WDR81: variants seen among roughly 807,000 people sequenced by gnomAD.
The protein encoded by WDR81 is WD repeat-containing protein 81.
WDR81 carries 92 observed loss-of-function variants against 140.8 expected under a neutral mutation model. That is an observed-to-expected ratio of 0.65 (90% CI 0.55 to 0.78). The LOEUF (loss-of-function observed/expected upper bound fraction) is 0.78. WDR81 is among the 30% of genes least tolerant of loss of function. The pLI is 0.00. For missense variants in WDR81, 2,502 were observed against 2,636.4 expected (o/e 0.95, Z 1.12); for synonymous variants, 1,183 against 1,156.4 (o/e 1.02, Z -0.47).
chr17:1,722,080 G>A (rs940263613), upstream of WDR81, among the ~76,000 whole-genome samples: 1 of 151,646 alleles, frequency 6.6e-6, no homozygotes, highest in Non-Finnish European at 1.5e-5. Context: ...CTGAGATCGC[G>A]CCATTGCACT....
upstream of WDR81, chr17:1,724,654 G>A (rs1382169430): frequency 9.7e-7 from 1 of 1,034,582 alleles, no homozygotes; most frequent in Non-Finnish European, 1.2e-6. Flanking sequence ...CCGGGCCTCT[G>A]GAGCCACGTG....
chr17:1,724,893 G>A lies in WDR81; in HGVS notation c.-67G>A. The A allele has an allele frequency of 7.8e-7, 1 of 1,281,012 alleles. No individual in the cohort carries two copies. The highest frequency in any genetic ancestry group is 9.8e-7 in the Non-Finnish European group (1 of 1,016,452). 79.4% of individuals were successfully genotyped at this position (1,281,012 alleles called of 1,614,324 possible). ...CCCAGCCCCGCCGGCCTGGCACCCCGGAAGCCGTCGCCAGCAGGGCCGTGG... is the reference window on the plus strand; with the variant it reads ...CCCAGCCCCGCCGGCCTGGCACCCCAGAAGCCGTCGCCAGCAGGGCCGTGG... On this transcript the variant is annotated 5_prime_UTR_variant, in exon 1 of 10. Coordinates refer to ENST00000409644, the MANE Select transcript of WDR81 (RefSeq NM_001163809.2).
At chr17:1,734,734 G>A (rs558908434) in intron 7 of WDR81, among the ~76,000 whole-genome samples, 6 of 150,968 alleles carry the variant, frequency 4.0e-5, no homozygotes, top group East Asian at 2.0e-4. Flanking sequence ...AGCCGAGATC[G>A]CACCACTGCA....
rs369466219 is a variant in WDR81, at chr17:1,736,223, C to T, written c.5505+5C>T. 1.3e-4 allele frequency: 207 copies of T among 1,592,314 alleles called. No individual in the cohort carries two copies. The highest frequency in any genetic ancestry group is 1.7e-4 in the Middle Eastern group (1 of 5,732). On this transcript the variant is annotated splice_donor_5th_base_variant and intron_variant, in intron 9 of 9. Coordinates refer to ENST00000409644, the MANE Select transcript of WDR81 (RefSeq NM_001163809.2). ...GGGGACATTCTGCAGATCAAGGTGA[C>T]GGGCCGGGTCTCCCTCCCCTTGCTG... is the stretch of plus-strand genomic sequence containing the variant.
Position 1,726,688 on chromosome 17 carries a change from A to C in WDR81, c.1729A>C (p.Ser577Arg). Reference protein sequence around the residue: ...HLVDAHTHLASYGVVQLFDQP... With the variant: ...HLVDAHTHLARYGVVQLFDQP... ...GGTGGACGCCCACACTCACCTGGCC[A>C]GCTACGGGGTGGTGCAGCTCTTCGA... Residue 577 changes from serine (S) to arginine (R), a missense_variant, in exon 1 of 10, where the codon AGC (serine) becomes CGC (arginine). By Grantham distance (110) the Ser-to-Arg change is moderately radical (BLOSUM62 -1). Coordinates refer to ENST00000409644, the MANE Select transcript of WDR81 (RefSeq NM_001163809.2). The C allele has an allele frequency of 6.5e-7, 1 of 1,549,810 alleles. No homozygotes were observed. The highest frequency in any genetic ancestry group is 1.2e-5 in the South Asian group (1 of 84,064).
At position 1,737,909 on chromosome 17, in the gene WDR81, G is replaced by A; in HGVS notation, c.*224G>A. The A allele has an allele frequency of 1.6e-6, 1 of 611,780 alleles. No homozygotes were observed. The highest frequency in any genetic ancestry group is 2.1e-5 in the South Asian group (1 of 48,114). The allele number at this position is 611,780 out of a possible 1,614,324, so 37.9% of individuals were successfully genotyped here. A position where few individuals can be genotyped will look rare whatever the true frequency, so the allele number is the denominator to read the frequency against. On this transcript the variant is annotated 3_prime_UTR_variant, in exon 10 of 10. Coordinates refer to ENST00000409644, the MANE Select transcript of WDR81 (RefSeq NM_001163809.2). ...CAGAGGGGTCTCATTCATGGCTTGG[G>A]GACACAGGGCTCCTAGCAAGCAGGA...
chr17:1,723,346 TG>T (rs1450891243), upstream of WDR81, among the ~76,000 whole-genome samples: 1 of 152,046 alleles, frequency 6.6e-6, no homozygotes, highest in East Asian at 1.9e-4. Context: ...ACCAGGCCTC[TG>T]GGCCTGGGCC....
chr17:1,732,094 G>A (rs547386736), intron 4 of WDR81, among the ~76,000 whole-genome samples: 2 of 152,096 alleles, frequency 1.3e-5, no homozygotes, highest in Admixed American at 6.6e-5. Context: ...AAAATTAGCC[G>A]GGTATGGTGG....
chr17:1,725,346 C>A lies in WDR81; in HGVS notation c.387C>A (p.Ser129=), dbSNP rs751286143. ...LGGGLPFEDG[S]CGPETLTRFM... is the part of the protein sequence containing the mutation. ...GGGGCCTGCCCTTTGAGGACGGGTCCTGCGGCCCTGAGACCCTCACTCGCT... is the reference window on the plus strand; with the variant it reads ...GGGGCCTGCCCTTTGAGGACGGGTCATGCGGCCCTGAGACCCTCACTCGCT... Residue 129 remains serine, a synonymous_variant, in exon 1 of 10, where the codon TCC becomes TCA. Transcript: ENST00000409644. 7.1e-6 allele frequency: 11 copies of A among 1,549,072 alleles called. No individual in the cohort carries two copies. The African/African-American group carries it at 1.5e-4, about 21-fold the overall frequency.
Position 1,734,103 on chromosome 17 carries a change from C to T in WDR81, c.5066C>T (p.Pro1689Leu). ...NYGDGTSETAPRLVYTQHRKS... is the reference protein window; with the variant it reads ...NYGDGTSETALRLVYTQHRKS... ...GGCGACGGGACCAGCGAGACGGCCCCACGCCTCGTCTACACCCAGCACCGC... is the reference window on the plus strand; with the variant it reads ...GGCGACGGGACCAGCGAGACGGCCCTACGCCTCGTCTACACCCAGCACCGC... Residue 1689 changes from proline to leucine, a missense_variant, in exon 7 of 10, where the codon CCA becomes CTA. Pro to Leu is a moderately conservative substitution (Grantham distance 98). Transcript: ENST00000409644. 1 of 1,597,418 alleles carries T rather than the reference C, an allele frequency of 6.3e-7. No homozygotes were observed. Among genetic ancestry groups the T allele is most frequent in the Non-Finnish European group, 8.5e-7 (1 of 1,177,836 alleles).
chr17:1,733,773 C>G lies in WDR81; in HGVS notation c.4736C>G (p.Pro1579Arg). Residue 1579 changes from proline (P) to arginine (R), a missense_variant, in exon 7 of 10, where the codon CCC (proline) becomes CGC (arginine). Pro to Arg is a moderately radical substitution (Grantham distance 103). This residue lies in a region of WDR81 where 1,737 missense variants were observed against 1,843.0 expected (regional missense o/e 0.94). Coordinates refer to ENST00000409644, the MANE Select transcript of WDR81 (RefSeq NM_001163809.2). Reference sequence around the variant, plus strand: ...CCCAATGACTCTCGGCCTGAGAACCCCGGACCACTGGGCCCCATCTCGGGG... The same window carrying G: ...CCCAATGACTCTCGGCCTGAGAACCGCGGACCACTGGGCCCCATCTCGGGG... ...QIPNDSRPEN[P>R]GPLGPISGVG... The G allele has an allele frequency of 1.9e-6, 3 of 1,612,522 alleles. No individual in the cohort carries two copies. The highest frequency in any genetic ancestry group is 2.2e-5 in the East Asian group (1 of 44,876).
rs572270076 is a variant in WDR81, at chr17:1,727,420, G to C, written c.2461G>C (p.Val821Leu). Reference protein sequence around the residue: ...PKEVPVSLQPVLDTLLQMSGP... With the variant: ...PKEVPVSLQPLLDTLLQMSGP... ...GGAGGTCCCTGTGTCTTTGCAGCCC[G>C]TGCTGGACACACTCCTGCAGATGAG... Residue 821 changes from valine to leucine, a missense_variant, in exon 1 of 10, where the codon GTG becomes CTG. Around this residue, in one of 3 missense-constraint regions of WDR81, gnomAD observed 1,737 missense variants for 1,843.0 expected, o/e 0.94. Transcript: ENST00000409644. 4 of 1,550,372 alleles carry C rather than the reference G, an allele frequency of 2.6e-6. No homozygotes were observed. Among genetic ancestry groups the C allele is most frequent in the African/African-American group, 2.7e-5 (2 of 73,188 alleles).
At chr17:1,734,297 G>T in intron 7 of WDR81, 81 bp downstream of exon 7, 6 of 1,428,550 alleles carry the variant, frequency 4.2e-6, no homozygotes, top group South Asian at 1.4e-5. Flanking sequence ...CGAGGGTGGG[G>T]CTGTAATGCT....
In WDR81 at chr17:1,735,497, T is replaced by C. The variant is rs745472253; in HGVS notation, c.5180-75T>C. 3.5e-5 allele frequency: 50 copies of C among 1,422,770 alleles called. No homozygotes were observed. Among genetic ancestry groups the C allele is most frequent in the Non-Finnish European group, 4.6e-5 (49 of 1,067,026 alleles). 88.1% of individuals were successfully genotyped at this position (1,422,770 alleles called of 1,614,324 possible). ...GGACGGGAGGCAGGTGTGCGGTGAG[T>C]TGGGGGATTAGAAGCTCCCAGGGCT... On this transcript the variant is annotated intron_variant, in intron 7 of 9. Coordinates refer to ENST00000409644, the MANE Select transcript of WDR81 (RefSeq NM_001163809.2). This position sits in a 1 kb window ranked among gnomAD's most constrained non-coding sequence, Gnocchi z 4.2.
chr17:1,724,643 C>T (rs913978869), upstream of WDR81: 220 of 1,022,302 alleles, frequency 2.2e-4, no homozygotes, highest in Non-Finnish European at 2.5e-4. Context: ...CGGGGTCCCG[C>T]CCGGGCCTCT....
chr17:1,734,942 T>A (rs2151175836), intron 7 of WDR81, among the ~76,000 whole-genome samples: 1 of 152,064 alleles, frequency 6.6e-6, no homozygotes, highest in Middle Eastern at 3.4e-3. Context: ...TGGCATTGGG[T>A]CAGCAGCACT....
chr17:1,725,431 T>TA lies in WDR81; in HGVS notation c.473dup (p.Tyr158Ter). Reference protein sequence around the residue: ...RNLWRHAYHTYGQPYSHSPAP... With the variant: ...RNLWRHAYHT ...CCTGTGGCGCCATGCATACCACACT[T>TA]ACGGCCAGCCGTACAGTCACAGCCC... The change falls in exon 1 of 10, where the codon TAC (tyrosine) becomes TAAC (stop). Residue 158 changes from tyrosine to a stop codon, truncating the protein, a stop_gained and frameshift_variant. Transcript: ENST00000409644. LOFTEE classifies it high-confidence loss of function. The TA allele has an allele frequency of 6.5e-7, 1 of 1,549,542 alleles. No individual in the cohort carries two copies. The highest frequency in any genetic ancestry group is 8.7e-7 in the Non-Finnish European group (1 of 1,146,976).
Position 1,732,507 on chromosome 17 carries a change from G to A in WDR81, c.4323+17G>A. 1 of 1,609,910 alleles carries A rather than the reference G, an allele frequency of 6.2e-7. No homozygotes were observed. The highest frequency in any genetic ancestry group is 1.1e-5 in the South Asian group (1 of 90,884). ...CGGCAACAGGTGGGCAGATCTGCTG[G>A]GCCAGGGCGGGCTGGGGCGGGGGCT... is the stretch of plus-strand genomic sequence containing the variant. On this transcript the variant is annotated intron_variant, in intron 5 of 9. Transcript: ENST00000409644.
chr17:1,737,930 C>T lies in WDR81; in HGVS notation c.*245C>T. The T allele has an allele frequency of 3.4e-6, 2 of 589,548 alleles. No homozygotes were observed. The highest frequency in any genetic ancestry group is 6.0e-6 in the Non-Finnish European group (2 of 335,644). 36.5% of individuals were successfully genotyped at this position (589,548 alleles called of 1,614,324 possible). A position where few individuals can be genotyped will look rare whatever the true frequency, so the allele number is the denominator to read the frequency against. On this transcript the variant is annotated 3_prime_UTR_variant, in exon 10 of 10. Transcript: ENST00000409644. ...TTGGGGACACAGGGCTCCTAGCAAG[C>T]AGGAAGTTAAGAGCAGGAGGAAGCG...
Sources: gnomAD v4.1 joint callset for allele counts (sites outside exome capture counted in the v4.1 genomes callset) on GRCh38, gnomAD v4.1.1 for gene constraint, gnomAD v4.1.1 regional missense constraint, Gnocchi (gnomAD v3.1) non-coding constraint, MANE v1.5 for transcripts, NCBI Gene and HGNC (gene_info 2026-07-23, HGNC 2026-07-21) for gene names.